The following LHFPL2 variants were observed in gnomAD, a reference collection of about 807,000 sequenced individuals.
The protein encoded by LHFPL2 is LHFPL tetraspan subfamily member 2 protein.
In LHFPL2, 7 loss-of-function variants were observed where a neutral mutation model predicts 17.5. That is an observed-to-expected ratio of 0.40 (90% CI 0.23 to 0.75). The LOEUF is 0.75. LHFPL2 is among the 30% of genes least tolerant of loss of function. The pLI is 0.37. For synonymous variants in LHFPL2, 134 were observed against 116.2 expected (o/e 1.15, Z -0.99); for missense variants, 241 against 294.8 (o/e 0.82, Z 1.34).
At chr5:78,516,781 A>G (rs1041342924) in intron 3 of LHFPL2, among the ~76,000 whole-genome samples, 1 of 152,182 alleles carries the variant, frequency 6.6e-6, no homozygotes, top group Non-Finnish European at 1.5e-5. Context: ...GGGCCCCCGA[A>G]GCCAGGGCAG....
At chr5:78,543,677 C>T (rs1412672321) in intron 3 of LHFPL2, among the ~76,000 whole-genome samples, 1 of 152,178 alleles carries the variant, frequency 6.6e-6, no homozygotes, top group Non-Finnish European at 1.5e-5. Context: ...CCAGAAATCC[C>T]CAGGATACAG....
intron 3 of LHFPL2, among the ~76,000 whole-genome samples, chr5:78,527,552 A>T (rs1263402383): frequency 6.6e-6 from 1 of 151,700 alleles, no homozygotes; most frequent in African/African-American, 2.4e-5. Context: ...CCATCTCGTT[A>T]TTTCACCAGA....
At chr5:78,491,689 G>A (rs1391834262) in intron 4 of LHFPL2, among the ~76,000 whole-genome samples, 1 of 152,146 alleles carries the variant, frequency 6.6e-6, no homozygotes, top group East Asian at 1.9e-4. Context: ...ACCGACATAC[G>A]ATTCCTCACC....
intron 2 of LHFPL2, among the ~76,000 whole-genome samples, chr5:78,578,585 G>GCACACA (rs61127481): frequency 0.033 from 4,836 of 146,930 alleles, 95 homozygotes; most frequent in African/African-American, 0.043. Flanking sequence ...TTGCATATGT[G>GCACACA]CACACACACA....
chr5:78,540,860 A>G (rs184241606), intron 3 of LHFPL2, among the ~76,000 whole-genome samples: 1 of 152,268 alleles, frequency 6.6e-6, no homozygotes, highest in Non-Finnish European at 1.5e-5. Context: ...CTAACTTGCT[A>G]TGGGGACACG....
chr5:78,570,185 T>G (rs575194906), intron 2 of LHFPL2, among the ~76,000 whole-genome samples: 1 of 152,158 alleles, frequency 6.6e-6, no homozygotes, highest in African/African-American at 2.4e-5. Flanking sequence ...AGTAGACAAT[T>G]CATAAATGTT....
intron 4 of LHFPL2, among the ~76,000 whole-genome samples, chr5:78,490,776 C>T (rs1754417069): frequency 7.1e-6 from 1 of 140,668 alleles, no homozygotes; most frequent in African/African-American, 2.8e-5. Context: ...CAAGATACTG[C>T]AAGAGGAGGA....
intron 2 of LHFPL2, among the ~76,000 whole-genome samples, chr5:78,572,947 G>A (rs1209092664): frequency 2.0e-5 from 3 of 152,130 alleles, no homozygotes; most frequent in Non-Finnish European, 4.4e-5. Flanking sequence ...TTCACAATAG[G>A]GTTTGTGCTC....
intron 2 of LHFPL2, among the ~76,000 whole-genome samples, chr5:78,569,901 T>C (rs1756952498): frequency 6.6e-6 from 1 of 152,132 alleles, no homozygotes; most frequent in African/African-American, 2.4e-5. Flanking sequence ...TGTTAGAGAG[T>C]ATGTTTTTAA....
At position 78,648,037 on chromosome 5, in the gene LHFPL2, T is replaced by G. The variant is rs1745945712; in HGVS notation, c.-350+462A>C. 6.6e-6 allele frequency among the ~76,000 whole-genome samples: 1 copy of G among 151,750 alleles called. No individual in the cohort carries two copies. The highest frequency in any genetic ancestry group is 3.2e-3 in the Middle Eastern group (1 of 316). Reference sequence around the variant, plus strand: ...AAGCAGCTGACGTCTGTGGCCAGAGTGACCCACACGCCACGGACCAGGGAC... The same window carrying G: ...AAGCAGCTGACGTCTGTGGCCAGAGGGACCCACACGCCACGGACCAGGGAC... On this transcript the variant is annotated intron_variant, in intron 1 of 4. Coordinates refer to ENST00000380345, the MANE Select transcript of LHFPL2 (RefSeq NM_005779.3). This position sits in a 1 kb window ranked among gnomAD's most constrained non-coding sequence, Gnocchi z 5.4.
intron 2 of LHFPL2, among the ~76,000 whole-genome samples, chr5:78,579,358 A>T (rs199851832): frequency 6.6e-6 from 1 of 151,580 alleles, no homozygotes; most frequent in African/African-American, 2.4e-5. Flanking sequence ...TATTATTATT[A>T]TACTTTAAGT....
intron 3 of LHFPL2, among the ~76,000 whole-genome samples, chr5:78,561,891 G>T (rs552295260): frequency 1.3e-5 from 2 of 152,268 alleles, no homozygotes; most frequent in South Asian, 4.2e-4. Flanking sequence ...AGCATGCCTA[G>T]TAGAGGCCCC....
chr5:78,572,482 G>A (rs1176465982), intron 2 of LHFPL2, among the ~76,000 whole-genome samples: 1 of 145,778 alleles, frequency 6.9e-6, no homozygotes, highest in African/African-American at 2.7e-5. Context: ...GTATATATAT[G>A]TGTATATATA....
chr5:78,520,480 T>A (rs1561319143), intron 3 of LHFPL2, among the ~76,000 whole-genome samples: 1 of 152,206 alleles, frequency 6.6e-6, no homozygotes, highest in Non-Finnish European at 1.5e-5. Context: ...CCACCTCTTC[T>A]ACCTTCTCCC....
At chr5:78,536,270 C>T (rs1755949094) in intron 3 of LHFPL2, among the ~76,000 whole-genome samples, 1 of 152,216 alleles carries the variant, frequency 6.6e-6, no homozygotes, top group Non-Finnish European at 1.5e-5. Flanking sequence ...GTTGCCCCTA[C>T]TGTCCAGATG....
chr5:78,596,195 A>G (rs1008290872), intron 2 of LHFPL2, among the ~76,000 whole-genome samples: 6 of 152,304 alleles, frequency 3.9e-5, no homozygotes, highest in South Asian at 2.1e-4. Context: ...AATGTCTCCA[A>G]TTAAAGCCCG....
intron 2 of LHFPL2, among the ~76,000 whole-genome samples, chr5:78,573,420 T>C (rs1757053073): frequency 6.6e-6 from 1 of 152,210 alleles, no homozygotes; most frequent in Non-Finnish European, 1.5e-5. Context: ...ATAGCTTAGC[T>C]AAAAATAACC....
chr5:78,497,722 C>T (rs1193058053), intron 4 of LHFPL2, among the ~76,000 whole-genome samples: 1 of 152,222 alleles, frequency 6.6e-6, no homozygotes, highest in Non-Finnish European at 1.5e-5. Flanking sequence ...GCCAACAGAA[C>T]GCCAGCTACA....
At position 78,536,547 on chromosome 5, in the gene LHFPL2, T is replaced by C. The variant is rs536170248; in HGVS notation, c.-185-26149A>G. Among the ~76,000 whole-genome samples, 16 of 152,336 alleles carry C rather than the reference T, an allele frequency of 1.1e-4. No homozygotes were observed. In the South Asian group the frequency reaches 3.1e-3, roughly 30 times the overall value. ...AAACTACCTACATCCTCATGAAAAT[T>C]TTAAATGACCAAAATGATTTTTACC... is the stretch of plus-strand genomic sequence containing the variant. On this transcript the variant is annotated intron_variant, in intron 3 of 4. Transcript: ENST00000380345.
Sources: allele counts gnomAD v4.1 joint callset (sites outside exome capture counted in the v4.1 genomes callset), GRCh38; gene constraint gnomAD v4.1.1; non-coding constraint Gnocchi (gnomAD v3.1); transcripts MANE v1.5; gene names NCBI Gene and HGNC (gene_info 2026-07-23, HGNC 2026-07-21).